The following SCAI variants were observed in gnomAD, a reference collection of about 807,000 sequenced individuals.
SCAI encodes suppressor of cancer cell invasion.
SCAI carries 24 observed loss-of-function variants against 92.2 expected under a neutral mutation model. That is an observed-to-expected ratio of 0.26 (90% confidence interval 0.19 to 0.37). The LOEUF (loss-of-function observed/expected upper bound fraction) is 0.37, where lower values mean the gene tolerates loss of function less well. Among genes scored for constraint, SCAI ranks in the 10% least tolerant of loss-of-function variants. The pLI, the probability that SCAI is intolerant of heterozygous loss-of-function variation, is 1.00. For synonymous variants in SCAI, 261 were observed against 258.6 expected (o/e 1.01, Z -0.09); for missense variants, 450 against 736.2 (o/e 0.61, Z 4.50).
chr9:124,966,619 C>T (rs1457526124), intron 17 of SCAI, among the ~76,000 whole-genome samples: 1 of 151,886 alleles, frequency 6.6e-6, no homozygotes, highest in African/African-American at 2.4e-5. Flanking sequence ...ATACCTTTTT[C>T]TTAATTTATT....
chr9:125,129,440 A>C (rs918286154), intron 2 of SCAI, among the ~76,000 whole-genome samples: 1 of 149,850 alleles, frequency 6.7e-6, no homozygotes, highest in Non-Finnish European at 1.5e-5. Flanking sequence ...GAAGGAATGA[A>C]AGAATTAGAA....
chr9:124,994,956 G>A lies in SCAI; in HGVS notation c.1304C>T (p.Ser435Leu), dbSNP rs757912013. 1 of 1,612,612 alleles carries A rather than the reference G, an allele frequency of 6.2e-7. No homozygotes were observed. The highest frequency in any genetic ancestry group is 8.5e-7 in the Non-Finnish European group (1 of 1,179,396). The change falls in exon 14 of 18, where the codon TCG (serine) becomes TTG (leucine). Residue 435 changes from serine (S) to leucine (L), a missense_variant. By Grantham distance (145) the Ser-to-Leu change is moderately radical. Transcript: ENST00000336505. ...TRKPLFIIVD[S>L]SNSVAYKNFT... ...CACCTTATACGCAACACTATTAGAC[G>A]AATCCACAATGATGAACAGTGGCTT...
intron 3 of SCAI, among the ~76,000 whole-genome samples, chr9:125,046,341 A>ATATATATGTG (rs1554784650): frequency 6.2e-5 from 5 of 80,406 alleles, no homozygotes; most frequent in African/African-American, 2.4e-4. Flanking sequence ...ACATATATAT[A>ATATATATGTG]TGTGTGTGTG....
At chr9:125,023,069 T>A (rs1832902483) in intron 6 of SCAI, among the ~76,000 whole-genome samples, 1 of 152,242 alleles carries the variant, frequency 6.6e-6, no homozygotes. Context: ...TCTTTCATAT[T>A]ATTGTTATCT....
At chr9:125,057,106 G>T (rs867661339) in intron 2 of SCAI, among the ~76,000 whole-genome samples, 1 of 152,198 alleles carries the variant, frequency 6.6e-6, no homozygotes, top group Non-Finnish European at 1.5e-5. Context: ...AGGAAAATTT[G>T]GTCCTGGTGT....
chr9:124,999,243 C>T (rs1304620298), intron 13 of SCAI, among the ~76,000 whole-genome samples: 7 of 151,828 alleles, frequency 4.6e-5, no homozygotes, highest in South Asian at 2.1e-4. Flanking sequence ...AAAAATTAGC[C>T]GGGCATGGTG....
intron 2 of SCAI, among the ~76,000 whole-genome samples, chr9:125,064,714 T>C (rs942139839): frequency 2.0e-5 from 3 of 152,044 alleles, no homozygotes; most frequent in African/African-American, 7.2e-5. Flanking sequence ...GGCATGGTGG[T>C]GGGTGCCTGT....
chr9:125,016,696 T>C lies in SCAI; in HGVS notation c.861+2103A>G, dbSNP rs1311020517. On this transcript the variant is annotated intron_variant, in intron 9 of 17. Coordinates refer to ENST00000336505, the MANE Select transcript of SCAI (RefSeq NM_001144877.3). ...GGGAAAAGATGGTCTTTTTAGTAAA[T>C]GGTGCTAGGTCTACTGGAAATCCAG... Among the ~76,000 whole-genome samples the C allele has an allele frequency of 3.9e-5, 6 of 152,214 alleles. No individual in the cohort carries two copies. In the East Asian group the frequency reaches 1.2e-3, roughly 29 times the overall value.
chr9:124,955,034 G>A (rs943158708), intron 17 of SCAI, among the ~76,000 whole-genome samples: 12 of 152,172 alleles, frequency 7.9e-5, no homozygotes, highest in Non-Finnish European at 1.6e-4. Flanking sequence ...GGGTGTGGTG[G>A]TGCACATCTG....
chr9:125,007,277 G>T (rs548192800), intron 9 of SCAI, among the ~76,000 whole-genome samples: 1 of 152,316 alleles, frequency 6.6e-6, no homozygotes, highest in Non-Finnish European at 1.5e-5. Flanking sequence ...AGCATAACTA[G>T]AGAGTATAGT....
chr9:125,020,935 T>G (rs2131074282), intron 6 of SCAI, among the ~76,000 whole-genome samples, 166 bp from the exon 7 acceptor site: 1 of 152,346 alleles, frequency 6.6e-6, no homozygotes, highest in Non-Finnish European at 1.5e-5. Context: ...TACTGATTTA[T>G]TAAGCTGTTT....
rs1832854158 is a variant in SCAI at position 125,020,674 on chromosome 9, T to G, written c.608A>C (p.Lys203Thr). Residue 203 changes from lysine (K) to threonine (T), a missense_variant and splice_region_variant, in exon 7 of 18, where the codon AAG becomes ACG. Coordinates refer to ENST00000336505, the MANE Select transcript of SCAI (RefSeq NM_001144877.3). ...NKMDVVKDLV[K>T]ELSDEIEDYT... ...TTGAACTATTTAAAGTGTATTTACC[T>G]TTACCAGATCCTTTACAACATCCAT... The G allele has an allele frequency of 7.3e-7, 1 of 1,361,052 alleles. No homozygotes were observed. The highest frequency in any genetic ancestry group is 1.5e-5 in the African/African-American group (1 of 68,204). 84.3% of individuals were successfully genotyped at this position (1,361,052 alleles called of 1,614,324 possible). A position where few individuals can be genotyped will look rare whatever the true frequency, so the allele number is the denominator to read the frequency against.
chr9:125,020,861 C>T (rs1008252164), intron 6 of SCAI, 92 bp from the exon 7 acceptor site: 1 of 577,794 alleles, frequency 1.7e-6, no homozygotes, highest in African/African-American at 2.0e-5. Flanking sequence ...AACTCTTTCC[C>T]TCCTTTTCTG....
At chr9:125,052,519 C>T (rs763009163) in intron 3 of SCAI, among the ~76,000 whole-genome samples, 62 of 151,952 alleles carry the variant, frequency 4.1e-4, no homozygotes, top group Non-Finnish European at 7.2e-4. Flanking sequence ...GCAGGAGAAT[C>T]GCTTGGAGGC....
chr9:125,014,173 T>C (rs1312372342), intron 9 of SCAI, among the ~76,000 whole-genome samples: 2 of 152,220 alleles, frequency 1.3e-5, no homozygotes, highest in African/African-American at 4.8e-5. Context: ...TTGGAAGTTC[T>C]GGCCAGGGCA....
At chr9:125,062,743 C>T (rs1030293915) in intron 2 of SCAI, among the ~76,000 whole-genome samples, 7 of 144,256 alleles carry the variant, frequency 4.9e-5, no homozygotes, top group African/African-American at 1.0e-4. Context: ...AAACAAAGGC[C>T]GGGTGAGGTG....
At chr9:124,968,387 C>T (rs1158409787) in intron 17 of SCAI, 2 of 1,149,798 alleles carry the variant, frequency 1.7e-6, no homozygotes, top group African/African-American at 1.5e-5. Flanking sequence ...CATGGAGGGA[C>T]ACGCAATCGT....
chr9:125,085,536 A>G lies in SCAI; in HGVS notation c.99-29529T>C, dbSNP rs193272362. Among the ~76,000 whole-genome samples the G allele has an allele frequency of 1.5e-3, 234 of 152,274 alleles. 3 individuals are homozygous for G. Among genetic ancestry groups the G allele is most frequent in the African/African-American group, 5.5e-3 (227 of 41,558 alleles). Reference sequence around the variant, plus strand: ...CATATCAGGCTTCTACATTAAAAAAATATTGACTGGGTGCAGTGGTTCATG... The same window carrying G: ...CATATCAGGCTTCTACATTAAAAAAGTATTGACTGGGTGCAGTGGTTCATG... On this transcript the variant is annotated intron_variant, in intron 2 of 17. Coordinates refer to ENST00000336505, the MANE Select transcript of SCAI (RefSeq NM_001144877.3).
intron 17 of SCAI, among the ~76,000 whole-genome samples, chr9:124,958,364 A>G (rs28756396): frequency 1.1e-3 from 160 of 152,308 alleles, no homozygotes; most frequent in African/African-American, 3.7e-3. Context: ...TTTGAGACAA[A>G]TCCTGTAGGT....
Sources: allele counts gnomAD v4.1 joint callset (sites outside exome capture counted in the v4.1 genomes callset), GRCh38; gene constraint gnomAD v4.1.1; transcripts MANE v1.5; gene names NCBI Gene and HGNC (gene_info 2026-07-23, HGNC 2026-07-21).